SND1: variants seen among roughly 807,000 people sequenced by gnomAD.
SND1 encodes the protein staphylococcal nuclease and tudor domain containing 1.
SND1 carries 38 observed loss-of-function variants against 121.7 expected under a neutral mutation model. That is an observed-to-expected ratio of 0.31 (90% confidence interval 0.24 to 0.41). The LOEUF is 0.41. Ranked by LOEUF, SND1 falls within the 10% of genes least tolerant of loss-of-function variation. The probability of loss-of-function intolerance (pLI) is 1.00; values close to 1 mark genes in which losing one functional copy is unlikely to be tolerated. For synonymous variants in SND1, 401 were observed against 447.4 expected (o/e 0.90, Z 1.31); for missense variants, 868 against 1,184.6 (o/e 0.73, Z 3.92).
chr7:127,904,554 G>A, intron 13 of SND1, 193 bp from the exon 14 acceptor site: 3 of 421,388 alleles, frequency 7.1e-6, no homozygotes, highest in South Asian at 7.9e-5. Flanking sequence ...GGGCTTAAGA[G>A]AAGAGCAGCT....
At chr7:127,742,240 A>T (rs185729712) in intron 10 of SND1, among the ~76,000 whole-genome samples, 4 of 152,274 alleles carry the variant, frequency 2.6e-5, no homozygotes, top group Admixed American at 2.0e-4. Context: ...TGCCACCAAG[A>T]TGTGTCTCTG....
chr7:128,089,271 C>T (rs1161282953), intron 21 of SND1, among the ~76,000 whole-genome samples: 2 of 152,154 alleles, frequency 1.3e-5, no homozygotes, highest in African/African-American at 2.4e-5. Flanking sequence ...CCAGGCTGGT[C>T]GCCAACTCCT....
chr7:127,720,916 C>G (rs1796483476), intron 9 of SND1, among the ~76,000 whole-genome samples: 1 of 152,092 alleles, frequency 6.6e-6, no homozygotes, highest in African/African-American at 2.4e-5. Flanking sequence ...TTTCTAGATT[C>G]ACATTGAGAT....
chr7:127,835,521 C>T (rs1407365151), intron 11 of SND1, among the ~76,000 whole-genome samples: 1 of 152,108 alleles, frequency 6.6e-6, no homozygotes, highest in Non-Finnish European at 1.5e-5. Flanking sequence ...TAAGAAGGGA[C>T]ATACAGGCTA....
chr7:127,722,377 G>T (rs1052293444), intron 10 of SND1, among the ~76,000 whole-genome samples: 1 of 151,194 alleles, frequency 6.6e-6, no homozygotes, highest in African/African-American at 2.4e-5. Flanking sequence ...GCTATTCACA[G>T]GTGTGATCAT....
At chr7:127,858,101 C>G in intron 12 of SND1, 1 of 918,906 alleles carries the variant, frequency 1.1e-6, no homozygotes, top group Non-Finnish European at 1.8e-6. Context: ...TCCAGTTCCC[C>G]CTCTGCCACT....
intron 15 of SND1, among the ~76,000 whole-genome samples, chr7:127,985,639 A>G (rs1488666010): frequency 6.6e-6 from 1 of 152,266 alleles, no homozygotes; most frequent in Non-Finnish European, 1.5e-5. Flanking sequence ...ACAATAGTAG[A>G]GTAAAATAAT....
intron 1 of SND1, among the ~76,000 whole-genome samples, chr7:127,665,814 T>A (rs1166016310): frequency 2.0e-5 from 3 of 152,166 alleles, no homozygotes; most frequent in African/African-American, 7.2e-5. Context: ...TTAAAAAAAA[T>A]TTTGGTAATA....
intron 12 of SND1, among the ~76,000 whole-genome samples, chr7:127,880,149 C>G (rs1194027965): frequency 6.6e-6 from 1 of 152,204 alleles, no homozygotes; most frequent in African/African-American, 2.4e-5. Flanking sequence ...ATCGCTTTCT[C>G]CACTGTATCC....
intron 11 of SND1, among the ~76,000 whole-genome samples, chr7:127,826,168 G>A (rs1387433954): frequency 1.3e-5 from 2 of 152,166 alleles, no homozygotes; most frequent in Non-Finnish European, 2.9e-5. Context: ...TCCAGCCTGG[G>A]CCACAAGAGC....
intron 16 of SND1, among the ~76,000 whole-genome samples, chr7:128,040,979 G>A (rs557810449): frequency 3.9e-5 from 6 of 152,186 alleles, no homozygotes; most frequent in Non-Finnish European, 5.9e-5. Flanking sequence ...GCCTAGTAAC[G>A]TGAGTTCCTT....
chr7:127,990,899 C>A, intron 15 of SND1, 48 bp from the exon 16 acceptor site: 1 of 1,383,486 alleles, frequency 7.2e-7, no homozygotes, highest in Non-Finnish European at 1.0e-6. Flanking sequence ...GGACAGCAAG[C>A]CTAGTGGGCA....
At chr7:128,030,098 G>C (rs532677808) in intron 16 of SND1, 1 of 1,613,914 alleles carries the variant, frequency 6.2e-7, no homozygotes, top group Non-Finnish European at 8.5e-7. Flanking sequence ...CCAGCTTCTT[G>C]AGCTCCCCCA....
chr7:127,845,408 G>A (rs769282434), intron 12 of SND1, among the ~76,000 whole-genome samples: 4 of 152,198 alleles, frequency 2.6e-5, no homozygotes, highest in Non-Finnish European at 5.9e-5. Flanking sequence ...TGGAGGTTTC[G>A]TCTTTGCCAG....
intron 16 of SND1, among the ~76,000 whole-genome samples, chr7:128,069,931 G>A (rs546386572): frequency 5.8e-4 from 88 of 152,288 alleles, no homozygotes; most frequent in African/African-American, 2.0e-3. Flanking sequence ...TTCATGGTAG[G>A]CCAGGGATCA....
At chr7:127,717,656 T>C (rs1200566027) in intron 9 of SND1, among the ~76,000 whole-genome samples, 1 of 152,060 alleles carries the variant, frequency 6.6e-6, no homozygotes, top group Admixed American at 6.6e-5. Flanking sequence ...GAGAGGAGAA[T>C]AGGTATCTGT....
At chr7:127,784,703 C>T (rs915250565) in intron 10 of SND1, among the ~76,000 whole-genome samples, 7 of 152,044 alleles carry the variant, frequency 4.6e-5, no homozygotes, top group Non-Finnish European at 8.8e-5. Context: ...TTTTGAGCCT[C>T]TTGTGTACGT....
At chr7:127,654,188 G>A (rs145826904) in intron 1 of SND1, among the ~76,000 whole-genome samples, 26 of 152,258 alleles carry the variant, frequency 1.7e-4, no homozygotes, top group Admixed American at 4.6e-4. Context: ...GATTCTGTGC[G>A]GTGACTGCCC....
At chr7:127,678,397 C>T (rs2116283184) in intron 1 of SND1, among the ~76,000 whole-genome samples, 1 of 152,264 alleles carries the variant, frequency 6.6e-6, no homozygotes, top group South Asian at 2.1e-4. Flanking sequence ...CGATTTTTGG[C>T]ACAGTTGGCT....
Sources: gnomAD v4.1 joint callset for allele counts (sites outside exome capture counted in the v4.1 genomes callset) on GRCh38, gnomAD v4.1.1 for gene constraint, MANE v1.5 for transcripts, NCBI Gene and HGNC (gene_info 2026-07-23, HGNC 2026-07-21) for gene names.